KIT: variants seen among roughly 807,000 people sequenced by gnomAD.
KIT encodes KIT proto-oncogene, receptor tyrosine kinase, also known as mast/stem cell growth factor receptor Kit.
KIT carries 16 observed loss-of-function variants against 105.7 expected under a neutral mutation model. That is an observed-to-expected ratio of 0.15 (90% confidence interval 0.10 to 0.23). The LOEUF is 0.23. Among genes scored for constraint, KIT ranks in the 10% least tolerant of loss-of-function variants. The pLI, the probability that KIT is intolerant of heterozygous loss-of-function variation, is 1.00. For synonymous variants in KIT, 438 were observed against 441.1 expected (o/e 0.99, Z 0.09); for missense variants, 858 against 1,213.8 (o/e 0.71, Z 4.36).
chr4:54,690,845 A>G lies in KIT; in HGVS notation c.68-4667A>G, dbSNP rs536371845. On this transcript the variant is annotated intron_variant, in intron 1 of 20. Transcript: ENST00000288135. ...GTTTTTCAAAAATTGTGAGACTACT[A>G]TAACAATATTAAAGACAATTTAAAA... Among the ~76,000 whole-genome samples the G allele has an allele frequency of 8.5e-5, 13 of 152,368 alleles. No individual in the cohort carries two copies. In the East Asian group the frequency reaches 2.3e-3, roughly 27 times the overall value.
intron 6 of KIT, among the ~76,000 whole-genome samples, chr4:54,708,734 G>A (rs1419944435): frequency 6.6e-6 from 1 of 152,022 alleles, no homozygotes; most frequent in East Asian, 1.9e-4. Context: ...CACCGCCTAT[G>A]GCAAGTTGGT....
chr4:54,674,682 A>C (rs1318197182), intron 1 of KIT, among the ~76,000 whole-genome samples: 1 of 152,236 alleles, frequency 6.6e-6, no homozygotes, highest in Non-Finnish European at 1.5e-5. Flanking sequence ...AGTTATTAAA[A>C]ATTTGTAACT....
In KIT at chr4:54,698,374, T is replaced by G. The variant is rs2109672671; in HGVS notation, c.428T>G (p.Val143Gly). Residue 143 changes from valine to glycine, a missense_variant, in exon 3 of 21, where the codon GTG becomes GGG. Physicochemically the swap from Val to Gly is moderately radical, Grantham distance 109. Around this residue, in one of 7 missense-constraint regions of KIT, gnomAD observed 401 missense variants for 601.0 expected, o/e 0.67. Transcript: ENST00000288135. ...LVRCPLTDPE[V>G]TNYSLKGCQG... ...CGCTGTCCTCTCACAGACCCAGAAG[T>G]GACCAATTATTCCCTCAAGGGGTGC... is the stretch of plus-strand genomic sequence containing the variant. 6.2e-7 allele frequency: 1 copy of G among 1,614,164 alleles called. No homozygotes were observed.
intron 3 of KIT, among the ~76,000 whole-genome samples, chr4:54,699,171 A>T (rs1165421034): frequency 1.3e-5 from 2 of 152,216 alleles, no homozygotes; most frequent in East Asian, 3.8e-4. Flanking sequence ...CTTTTGAAAA[A>T]GTATACTTAT....
intron 1 of KIT, among the ~76,000 whole-genome samples, chr4:54,680,573 G>A (rs1006603539): frequency 9.9e-5 from 15 of 151,472 alleles, no homozygotes; most frequent in African/African-American, 3.4e-4. Context: ...TTATATTTTA[G>A]GTAGAGATGA....
chr4:54,683,218 A>G (rs1218255938), intron 1 of KIT, among the ~76,000 whole-genome samples: 5 of 152,234 alleles, frequency 3.3e-5, no homozygotes, highest in Admixed American at 3.3e-4. Context: ...TACTTTGTCA[A>G]ATGAGAAAAA....
chr4:54,684,485 C>G (rs1183618269), intron 1 of KIT, among the ~76,000 whole-genome samples: 2 of 152,132 alleles, frequency 1.3e-5, no homozygotes, highest in Non-Finnish European at 2.9e-5. Context: ...GGCTATCCCT[C>G]CCCTCAGTTC....
chr4:54,664,009 G>A (rs1430884003), intron 1 of KIT, among the ~76,000 whole-genome samples: 1 of 152,118 alleles, frequency 6.6e-6, no homozygotes, highest in Admixed American at 6.5e-5. Context: ...ATTCGAAGTA[G>A]AATTTGGTTT....
At chr4:54,663,016 T>G (rs1717405504) in intron 1 of KIT, among the ~76,000 whole-genome samples, 1 of 125,958 alleles carries the variant, frequency 7.9e-6, no homozygotes, top group African/African-American at 3.2e-5. Context: ...CTACACATCT[T>G]GTAAGATTCT....
At chr4:54,715,386 A>T (rs1004036665) in intron 7 of KIT, among the ~76,000 whole-genome samples, 1 of 143,060 alleles carries the variant, frequency 7.0e-6, no homozygotes, top group Non-Finnish European at 1.5e-5. Flanking sequence ...AAAAAAAAAA[A>T]TGCCCGGGGC....
At position 54,709,462 on chromosome 4, in the gene KIT, C is replaced by A; in HGVS notation, c.1154C>A (p.Thr385Asn). The A allele has an allele frequency of 6.2e-7, 1 of 1,613,736 alleles. No homozygotes were observed. The highest frequency in any genetic ancestry group is 2.2e-5 in the East Asian group (1 of 44,864). The change falls in exon 7 of 21, where the codon ACC (threonine) becomes AAC (asparagine). Residue 385 changes from threonine to asparagine, a missense_variant. Thr to Asn is a moderately conservative substitution (Grantham distance 65, BLOSUM62 0). Transcript: ENST00000288135. ...CTTCATCTAACGAGATTAAAAGGCA[C>A]CGAAGGAGGCACTTACACATTCCTA... The part of the protein sequence containing the change: ...SELHLTRLKG[T>N]EGGTYTFLVS...
chr4:54,719,459 A>T (rs1721716681), intron 7 of KIT, among the ~76,000 whole-genome samples: 1 of 152,240 alleles, frequency 6.6e-6, no homozygotes, highest in Non-Finnish European at 1.5e-5. Flanking sequence ...TGCATGAGCA[A>T]TAAATTCTCA....
chr4:54,725,457 C>T (rs571103852), intron 8 of KIT, among the ~76,000 whole-genome samples: 50 of 152,188 alleles, frequency 3.3e-4, no homozygotes, highest in African/African-American at 1.1e-3. Flanking sequence ...TTCAACCATT[C>T]GTGTACCCTT....
At chr4:54,736,380 T>C in intron 17 of KIT, 118 bp from the exon 18 acceptor site, 1 of 803,340 alleles carries the variant, frequency 1.2e-6, no homozygotes, top group South Asian at 1.4e-5. Flanking sequence ...TTTTGTGAGA[T>C]GGTACTCAAG....
intron 11 of KIT, 112 bp from the exon 12 acceptor site, chr4:54,727,711 C>A: frequency 7.8e-7 from 1 of 1,274,038 alleles, no homozygotes; most frequent in Non-Finnish European, 1.1e-6. Context: ...AGGAAAATGT[C>A]TCTGGACAAC....
chr4:54,738,025 C>G (rs977081232), intron 20 of KIT, among the ~76,000 whole-genome samples: 8 of 152,142 alleles, frequency 5.3e-5, no homozygotes, highest in Non-Finnish European at 8.8e-5. Context: ...CAGCATTTTC[C>G]ACCCAGTTGC....
At position 54,690,711 on chromosome 4, in the gene KIT, A is replaced by G. The variant is rs531226955; in HGVS notation, c.68-4801A>G. ...ATTTGTTAAGAACTTGCTGTCTACCACGCACATTTCAAAATTTGGAATTTC... is the reference window on the plus strand; with the variant it reads ...ATTTGTTAAGAACTTGCTGTCTACCGCGCACATTTCAAAATTTGGAATTTC... On this transcript the variant is annotated intron_variant, in intron 1 of 20. Transcript: ENST00000288135. 2.6e-5 allele frequency among the ~76,000 whole-genome samples: 4 copies of G among 152,364 alleles called. No individual in the cohort carries two copies. In the East Asian group the frequency reaches 5.8e-4, roughly 22 times the overall value.
At chr4:54,709,384 G>A in intron 6 of KIT, 40 bp from the exon 7 acceptor site, 1 of 1,246,554 alleles carries the variant, frequency 8.0e-7, no homozygotes, top group Non-Finnish European at 1.2e-6. Context: ...TCCAAGGCAT[G>A]CTATCCACAG....
intron 11 of KIT, 125 bp downstream of exon 11, chr4:54,727,667 C>A: frequency 7.2e-7 from 1 of 1,389,160 alleles, no homozygotes; most frequent in Non-Finnish European, 1.0e-6. Context: ...TGAAATTGCG[C>A]CCCTTTTGAT....
Sources: allele counts gnomAD v4.1 joint callset (sites outside exome capture counted in the v4.1 genomes callset), GRCh38; gene constraint gnomAD v4.1.1; regional missense constraint gnomAD v4.1.1; transcripts MANE v1.5; gene names NCBI Gene and HGNC (gene_info 2026-07-23, HGNC 2026-07-21).